The following IGFL2 variants were observed in gnomAD, a reference collection of about 807,000 sequenced individuals.
The protein encoded by IGFL2 is insulin growth factor-like family member 2.
In IGFL2, 7 loss-of-function variants were observed where a neutral mutation model predicts 13.9. The ratio of observed to expected loss-of-function variants is 0.51; its 90% confidence interval spans 0.29 to 0.95. The LOEUF is 0.95. Among genes scored for constraint, IGFL2 ranks in the 40% least tolerant of loss-of-function variants. The pLI is 0.08. For missense variants in IGFL2, 138 were observed against 147.8 expected, an observed-to-expected ratio of 0.93 and a Z score of 0.34; for synonymous variants, 55 against 55.8, an observed-to-expected ratio of 0.99 and a Z score of 0.07.
the IGFL2 span, among the ~76,000 whole-genome samples, chr19:46,087,747 T>C: frequency 6.6e-6 from 1 of 152,204 alleles, no homozygotes; most frequent in Admixed American, 6.5e-5. Context: ...TGACTGCCCC[T>C]CTACTGATGG....
the IGFL2 span, among the ~76,000 whole-genome samples, chr19:46,087,593 A>C: frequency 3.9e-5 from 6 of 152,354 alleles, no homozygotes; most frequent in Middle Eastern, 3.4e-3. Context: ...CGGCCATGCT[A>C]CTGGGAACAG....
the IGFL2 span, among the ~76,000 whole-genome samples, chr19:46,170,785 G>T: frequency 6.6e-6 from 1 of 152,196 alleles, no homozygotes; most frequent in Non-Finnish European, 1.5e-5. Flanking sequence ...CCCCAGGCTT[G>T]CTAGGATTAG....
chr19:46,094,207 A>G, the IGFL2 span, among the ~76,000 whole-genome samples: 2 of 152,140 alleles, frequency 1.3e-5, no homozygotes, highest in African/African-American at 4.8e-5. Context: ...TAATCAAGAC[A>G]GTATCTTATT....
chr19:46,175,664 G>A, the IGFL2 span, among the ~76,000 whole-genome samples: 3 of 150,824 alleles, frequency 2.0e-5, no homozygotes, highest in African/African-American at 4.9e-5. Context: ...TCAGCCTCCC[G>A]AGCAGCTGGG....
At chr19:46,119,941 T>TA in the IGFL2 span, 8 of 229,374 alleles carry the variant, frequency 3.5e-5, no homozygotes, top group Non-Finnish European at 6.9e-5. Context: ...GAGGGAGTGT[T>TA]ACAGTCAGTG....
chr19:46,170,598 C>T, the IGFL2 span, among the ~76,000 whole-genome samples: 11 of 152,234 alleles, frequency 7.2e-5, no homozygotes, highest in Non-Finnish European at 1.3e-4. Context: ...TCTCTTATTA[C>T]GGAAAACAGG....
At chr19:46,171,100 T>C in the IGFL2 span, among the ~76,000 whole-genome samples, 126 of 152,350 alleles carry the variant, frequency 8.3e-4, 2 homozygotes, top group Middle Eastern at 0.017. Context: ...GCTGGTTTTA[T>C]GGCTCAGGGG....
rs1272464076 is a variant in IGFL2, at chr19:46,148,273, A to C, written c.-6A>C. 6.4e-7 allele frequency: 1 copy of C among 1,551,532 alleles called. No homozygotes were observed. The highest frequency in any genetic ancestry group is 2.0e-5 in the Admixed American group (1 of 51,006). ...GCTGCTGTCCCATCAGCTGCTCTGA[A>C]GCTCCATGGTGCCCAGAATCTTCGG... is the stretch of plus-strand genomic sequence containing the variant. On this transcript the variant is annotated 5_prime_UTR_variant, in exon 1 of 4. Coordinates refer to ENST00000377693, the MANE Select transcript of IGFL2 (RefSeq NM_001135113.2).
At chr19:46,172,748 C>T in the IGFL2 span, among the ~76,000 whole-genome samples, 1 of 152,134 alleles carries the variant, frequency 6.6e-6, no homozygotes, top group Non-Finnish European at 1.5e-5. Context: ...GACAAGGTCT[C>T]GCTCTGTCAT....
chr19:46,199,188 G>A, the IGFL2 span, among the ~76,000 whole-genome samples: 1 of 152,268 alleles, frequency 6.6e-6, no homozygotes, highest in Non-Finnish European at 1.5e-5. Context: ...GGTCCAGCCT[G>A]TGTCTGTGAC....
At chr19:46,124,514 G>T in the IGFL2 span, 1 of 1,216,150 alleles carries the variant, frequency 8.2e-7, no homozygotes, top group Non-Finnish European at 1.2e-6. Flanking sequence ...GACTAGTAGG[G>T]CACAGGAGGC....
the IGFL2 span, among the ~76,000 whole-genome samples, chr19:46,104,788 G>T: frequency 4.6e-5 from 7 of 152,230 alleles, no homozygotes; most frequent in African/African-American, 1.4e-4. Flanking sequence ...GAAAGGAAAT[G>T]AGAGGTTCTA....
the IGFL2 span, chr19:46,210,285 G>T: frequency 6.6e-6 from 1 of 152,098 alleles, no homozygotes; most frequent in African/African-American, 2.4e-5. Flanking sequence ...TGACATTTAA[G>T]GGAAAAATGA....
chr19:46,137,361 A>T, the IGFL2 span: 1 of 1,132,796 alleles, frequency 8.8e-7, no homozygotes. Flanking sequence ...AACCAGTTAC[A>T]GACCTGTAGT....
At chr19:46,126,645 A>C in the IGFL2 span, among the ~76,000 whole-genome samples, 1 of 152,256 alleles carries the variant, frequency 6.6e-6, no homozygotes, top group East Asian at 1.9e-4. Flanking sequence ...CATGTGCTTC[A>C]TTAACAGTAA....
rs904764248 is a variant in IGFL2, at chr19:46,148,785, C to T, written c.19+488C>T. 68 of 1,352,544 alleles carry T rather than the reference C, an allele frequency of 5.0e-5. No individual in the cohort carries two copies. The African/African-American group carries it at 8.8e-4, about 18-fold the overall frequency. 83.8% of individuals were successfully genotyped at this position (1,352,544 alleles called of 1,614,324 possible). A position where few individuals can be genotyped will look rare whatever the true frequency, so the allele number is the denominator to read the frequency against. ...CACTGTGGATAGGGTTGGGGGCTCC[C>T]AGAGGTCCCCTGCCAGCTCATCAGC... On this transcript the variant is annotated intron_variant, in intron 1 of 3. Coordinates refer to ENST00000377693, the MANE Select transcript of IGFL2 (RefSeq NM_001135113.2).
the IGFL2 span, chr19:46,120,231 T>C: frequency 5.1e-6 from 8 of 1,557,420 alleles, 1 homozygote; most frequent in East Asian, 1.9e-4. Flanking sequence ...CCCTCTGAAG[T>C]CAAGTTGCTT....
the IGFL2 span, chr19:46,120,247 C>T: frequency 4.5e-5 from 71 of 1,590,062 alleles, 4 homozygotes; most frequent in Admixed American, 8.4e-4. Flanking sequence ...TGCTTCTCTC[C>T]GAAGTTCAAC....
chr19:46,153,517 T>C (rs1409838690), intron 1 of IGFL2, among the ~76,000 whole-genome samples: 1 of 152,204 alleles, frequency 6.6e-6, no homozygotes, highest in East Asian at 1.9e-4. Flanking sequence ...TTTGCCCCTT[T>C]TAAAATCAGA....
Sources: gnomAD v4.1 joint callset for allele counts (sites outside exome capture counted in the v4.1 genomes callset) on GRCh38, gnomAD v4.1.1 for gene constraint, MANE v1.5 for transcripts, NCBI Gene and HGNC (gene_info 2026-07-23, HGNC 2026-07-21) for gene names.